HEPH: variants seen among roughly 807,000 people sequenced by gnomAD.
HEPH encodes hephaestin.
In HEPH, 69 loss-of-function variants were observed where a neutral mutation model predicts 80.8. The ratio of observed to expected loss-of-function variants is 0.85; its 90% CI spans 0.70 to 1.04. The LOEUF (loss-of-function observed/expected upper bound fraction) is 1.04. HEPH is among the 50% of genes least tolerant of loss of function. HEPH has a pLI of 0.00. For missense variants in HEPH, 1,115 were observed against 891.3 expected (o/e 1.25, Z -3.20); for synonymous variants, 431 against 322.8 (o/e 1.34, Z -3.60).
At chrX:66,207,988 A>T in intron 14 of HEPH, 127 bp from the exon 15 acceptor site, 4 of 466,203 alleles carry the variant, frequency 8.6e-6, no homozygotes. Context: ...TCTAGGTCTT[A>T]GAAGGATGTT....
chrX:66,206,426 G>T (rs1456286295), intron 13 of HEPH, among the ~76,000 whole-genome samples: 1 of 83,431 alleles, frequency 1.2e-5, no homozygotes, highest in Non-Finnish European at 2.2e-5. Context: ...GCAGTGGCAT[G>T]ATCTTGGCTC....
At chrX:66,202,183 G>A (rs2088495479) in intron 12 of HEPH, among the ~76,000 whole-genome samples, 1 of 111,441 alleles carries the variant, frequency 9.0e-6, no homozygotes, top group Admixed American at 9.5e-5. Flanking sequence ...GGTGGGGTGG[G>A]CAGGTAAGTT....
intron 15 of HEPH, among the ~76,000 whole-genome samples, chrX:66,222,363 C>T (rs1190713511): frequency 1.8e-5 from 2 of 112,351 alleles, no homozygotes; most frequent in African/African-American, 3.2e-5. Context: ...TGGAGGACCA[C>T]CTTAGTGGAA....
intron 9 of HEPH, among the ~76,000 whole-genome samples, chrX:66,195,463 G>T (rs1171921933): frequency 1.8e-5 from 2 of 110,716 alleles, no homozygotes; most frequent in African/African-American, 6.6e-5. Flanking sequence ...GTTTATTATA[G>T]AACTCTGAAA....
chrX:66,259,145 AC>A (rs2091276268), intron 18 of HEPH, among the ~76,000 whole-genome samples, 166 bp downstream of exon 18: 1 of 111,915 alleles, frequency 8.9e-6, no homozygotes, highest in African/African-American at 3.2e-5. Context: ...TATATCCTAG[AC>A]TCAATAACTT....
At chrX:66,199,358 G>C (rs942656429) in intron 11 of HEPH, among the ~76,000 whole-genome samples, 1 of 101,060 alleles carries the variant, frequency 9.9e-6, no homozygotes, top group African/African-American at 4.0e-5. Flanking sequence ...TAGTACCTTG[G>C]GTCCCCCCCC....
At chrX:66,266,241 G>A (rs1171341397) in intron 20 of HEPH, among the ~76,000 whole-genome samples, 199 bp from the exon 21 acceptor site, 1 of 110,745 alleles carries the variant, frequency 9.0e-6, no homozygotes, top group Non-Finnish European at 1.9e-5. Flanking sequence ...GATTCTCAAG[G>A]ACCCTTATAG....
chrX:66,231,558 T>C lies in HEPH; in HGVS notation c.2563+23312T>C, dbSNP rs774945596. ...GAAGCAATTGTGAATGGGAGTTCAC[T>C]CATGATTTGGCTCTCTGTTTGTCTG... is the stretch of plus-strand genomic sequence containing the variant. On this transcript the variant is annotated intron_variant, in intron 15 of 20. Coordinates refer to ENST00000343002, the MANE Select transcript of HEPH (RefSeq NM_001367233.3). Among the ~76,000 whole-genome samples, 87 of 110,279 alleles carry C rather than the reference T, an allele frequency of 7.9e-4. 1 individual carries two copies. In the East Asian group the frequency reaches 0.024, roughly 30 times the overall value.
At chrX:66,195,870 T>C (rs1008973249) in intron 9 of HEPH, among the ~76,000 whole-genome samples, 7 of 111,696 alleles carry the variant, frequency 6.3e-5, no homozygotes, top group Non-Finnish European at 1.3e-4. Flanking sequence ...GAGTATTGTG[T>C]AATTGATTTT....
chrX:66,236,969 C>T (rs1006904071), intron 15 of HEPH, among the ~76,000 whole-genome samples: 2 of 110,674 alleles, frequency 1.8e-5, no homozygotes, highest in African/African-American at 6.6e-5. Context: ...GGTAATATCC[C>T]CTTTGTCATT....
In HEPH at chrX:66,221,925, G is replaced by C. The variant is rs1395293474; in HGVS notation, c.2563+13679G>C. Among the ~76,000 whole-genome samples, 35 of 111,765 alleles carry C rather than the reference G, an allele frequency of 3.1e-4. No individual in the cohort carries two copies. In the Admixed American group the frequency reaches 3.3e-3, roughly 11 times the overall value. On this transcript the variant is annotated intron_variant, in intron 15 of 20. Coordinates refer to ENST00000343002, the MANE Select transcript of HEPH (RefSeq NM_001367233.3). ...TGTGAGAGTCAAAAGACCCATAAGG[G>C]GCTTCTCTTGTGTTACGATGTCTTA...
intron 15 of HEPH, among the ~76,000 whole-genome samples, chrX:66,213,346 C>T (rs1200891504): frequency 1.8e-5 from 2 of 111,011 alleles, no homozygotes; most frequent in African/African-American, 6.6e-5. Context: ...CATCCATGTC[C>T]CTACAAAGGA....
intron 1 of HEPH, chrX:66,170,088 T>C (rs67613711): frequency 0.28 from 31,491 of 111,432 alleles, 4,006 homozygotes; most frequent in African/African-American, 0.49. Flanking sequence ...ATGAATATTC[T>C]AGTAAATATT....
chrX:66,209,658 A>G (rs1000412138), intron 15 of HEPH, among the ~76,000 whole-genome samples: 12 of 112,289 alleles, frequency 1.1e-4, no homozygotes, highest in Non-Finnish European at 1.7e-4. Flanking sequence ...ATGGTGATTA[A>G]TTGGATTTTG....
chrX:66,236,673 G>A (rs2090372336), intron 15 of HEPH, among the ~76,000 whole-genome samples: 1 of 111,224 alleles, frequency 9.0e-6, no homozygotes, highest in Admixed American at 9.5e-5. Context: ...TTTTGCAATA[G>A]GTTTAGTAGG....
intron 4 of HEPH, among the ~76,000 whole-genome samples, chrX:66,182,014 A>G (rs1465387242): frequency 1.2e-3 from 132 of 108,800 alleles, no homozygotes; most frequent in African/African-American, 4.3e-3. Flanking sequence ...AGTTGTAGAT[A>G]TGCGGCATTA....
chrX:66,239,104 T>C (rs1008912536), intron 15 of HEPH, among the ~76,000 whole-genome samples: 56 of 112,377 alleles, frequency 5.0e-4, no homozygotes, highest in Non-Finnish European at 7.0e-4. Context: ...AGATATTTTG[T>C]TTATGGCCAG....
At chrX:66,205,723 G>T (rs1287303233) in intron 13 of HEPH, among the ~76,000 whole-genome samples, 2 of 110,002 alleles carry the variant, frequency 1.8e-5, no homozygotes, top group Non-Finnish European at 3.8e-5. Context: ...AGCCTCCCAA[G>T]TAGCTGGGAC....
chrX:66,229,549 A>G (rs939382357), intron 15 of HEPH, among the ~76,000 whole-genome samples: 3 of 111,645 alleles, frequency 2.7e-5, no homozygotes, highest in Non-Finnish European at 3.8e-5. Context: ...AATCACCACT[A>G]AAGAACTCAT....
Sources: gnomAD v4.1 joint callset for allele counts (sites outside exome capture counted in the v4.1 genomes callset) on GRCh38, gnomAD v4.1.1 for gene constraint, MANE v1.5 for transcripts, NCBI Gene and HGNC (gene_info 2026-07-23, HGNC 2026-07-21) for gene names.